The following SPAG17 variants were observed in gnomAD, a reference collection of about 807,000 sequenced individuals.
SPAG17 encodes sperm associated antigen 17.
In SPAG17, 169 loss-of-function variants were observed where a neutral mutation model predicts 273.6. The observed-to-expected ratio is 0.62, with a 90% confidence interval of 0.55 to 0.70. The LOEUF is 0.70. Among genes scored for constraint, SPAG17 ranks in the 30% least tolerant of loss-of-function variants. SPAG17 has a pLI of 0.00. For missense variants in SPAG17, 2,557 were observed against 2,627.8 expected (o/e 0.97, Z 0.59); for synonymous variants, 825 against 873.2 (o/e 0.94, Z 0.97).
chr1:118,133,306 GGA>G (rs1040115961), intron 3 of SPAG17, among the ~76,000 whole-genome samples: 3 of 152,078 alleles, frequency 2.0e-5, no homozygotes, highest in African/African-American at 7.2e-5. Flanking sequence ...GAGTGCAGAT[GGA>G]GAGAGAGTTT....
chr1:118,145,897 AT>A (rs991429883), intron 3 of SPAG17, among the ~76,000 whole-genome samples: 8 of 151,736 alleles, frequency 5.3e-5, no homozygotes, highest in African/African-American at 1.2e-4. Context: ...TAAGCTTTTC[AT>A]TTTTTTTATT....
At chr1:118,046,383 C>T (rs1270042731) in intron 20 of SPAG17, among the ~76,000 whole-genome samples, 1 of 151,840 alleles carries the variant, frequency 6.6e-6, no homozygotes, top group East Asian at 1.9e-4. Flanking sequence ...GAAACAATTA[C>T]AATGATAATG....
intron 1 of SPAG17, among the ~76,000 whole-genome samples, chr1:118,182,360 T>C (rs1444188652): frequency 6.6e-6 from 1 of 152,142 alleles, no homozygotes; most frequent in Non-Finnish European, 1.5e-5. Flanking sequence ...TTCCTATCAC[T>C]GTGGCCAATA....
chr1:118,118,518 C>T (rs1235427297), intron 3 of SPAG17, among the ~76,000 whole-genome samples: 13 of 152,124 alleles, frequency 8.5e-5, no homozygotes, highest in Admixed American at 8.5e-4. Context: ...AGTAAATGTG[C>T]TTGGCGTGAA....
intron 21 of SPAG17, among the ~76,000 whole-genome samples, chr1:118,041,253 A>G (rs1649717312): frequency 6.6e-6 from 1 of 152,114 alleles, no homozygotes; most frequent in African/African-American, 2.4e-5. Context: ...ACAGAGGTCC[A>G]GGGGATTTAA....
At chr1:118,059,589 T>C (rs1050824100) in intron 18 of SPAG17, among the ~76,000 whole-genome samples, 3 of 152,122 alleles carry the variant, frequency 2.0e-5, no homozygotes, top group Non-Finnish European at 2.9e-5. Context: ...ATTTGCTTTA[T>C]ATTACTTTGC....
chr1:118,031,793 C>CTA lies in SPAG17; in HGVS notation c.3506_3507dup (p.Val1170Ter). 6.2e-7 allele frequency: 1 copy of CTA among 1,613,750 alleles called. No homozygotes were observed. Among genetic ancestry groups the CTA allele is most frequent in the Non-Finnish European group, 8.5e-7 (1 of 1,179,806 alleles). On this transcript the variant is annotated frameshift_variant, in exon 25 of 49. Coordinates refer to ENST00000336338, the MANE Select transcript of SPAG17 (RefSeq NM_206996.4). LOFTEE classifies it high-confidence loss of function. ...TTAGCTTTGCTTTGAGGAACGGTCA[C>CTA]TATAACAGGAACCACTGTTGGAGTG...
intron 48 of SPAG17, chr1:117,960,189 T>C (rs868431681): frequency 3.3e-5 from 5 of 151,388 alleles, no homozygotes; most frequent in Middle Eastern, 3.4e-3. Context: ...TAGTTGACAC[T>C]TGAAAAATGC....
chr1:118,003,113 G>A (rs760584845), intron 32 of SPAG17, among the ~76,000 whole-genome samples: 1 of 152,076 alleles, frequency 6.6e-6, no homozygotes, highest in Non-Finnish European at 1.5e-5. Context: ...ATGAAATTTG[G>A]GGTTGAAAAC....
At chr1:117,967,296 C>CAAAAA (rs5777330) in intron 46 of SPAG17, among the ~76,000 whole-genome samples, 4 of 86,090 alleles carry the variant, frequency 4.6e-5, no homozygotes, top group African/African-American at 1.0e-4. Context: ...AACTCCATCT[C>CAAAAA]AAAAAAAAAA....
Position 117,963,950 on chromosome 1 carries a change from G to T in SPAG17, c.6533-12C>A, listed in dbSNP as rs1653465545. 6.2e-7 allele frequency: 1 copy of T among 1,610,026 alleles called. No individual in the cohort carries two copies. The highest frequency in any genetic ancestry group is 8.5e-7 in the Non-Finnish European group (1 of 1,178,146). On this transcript the variant is annotated splice_polypyrimidine_tract_variant and intron_variant, in intron 47 of 48. Transcript: ENST00000336338. ...GCTTGTTAAAACAGGTAAAATACTT[G>T]TTAAGGGCTGTGCTTTTCATGACTA...
At chr1:118,064,774 A>T (rs1652781887) in intron 18 of SPAG17, among the ~76,000 whole-genome samples, 1 of 151,430 alleles carries the variant, frequency 6.6e-6, no homozygotes, top group Admixed American at 6.6e-5. Flanking sequence ...TAAAATAAAA[A>T]AAGAAAGATA....
chr1:118,018,928 T>C (rs796729769), intron 28 of SPAG17, among the ~76,000 whole-genome samples: 7 of 151,044 alleles, frequency 4.6e-5, no homozygotes, highest in African/African-American at 1.7e-4. Flanking sequence ...CCAGCTACTC[T>C]AGTGGCTGAG....
intron 3 of SPAG17, among the ~76,000 whole-genome samples, chr1:118,136,807 G>A (rs866100906): frequency 6.7e-6 from 1 of 149,214 alleles, no homozygotes; most frequent in Non-Finnish European, 1.5e-5. Context: ...GTGTATGTGT[G>A]TGTGTGTGTG....
chr1:117,983,955 G>A, intron 41 of SPAG17, 42 bp from the exon 42 acceptor site: 3 of 973,270 alleles, frequency 3.1e-6, no homozygotes, highest in East Asian at 2.4e-5. Flanking sequence ...ATACATGGCT[G>A]AAATTCAACT....
chr1:118,132,240 G>A (rs1009954310), intron 3 of SPAG17, among the ~76,000 whole-genome samples: 6 of 152,172 alleles, frequency 3.9e-5, no homozygotes, highest in Non-Finnish European at 7.3e-5. Context: ...CAGGTGGTAT[G>A]AGACTGGGGA....
intron 20 of SPAG17, among the ~76,000 whole-genome samples, chr1:118,049,447 A>G (rs1650749342): frequency 1.3e-5 from 2 of 152,358 alleles, no homozygotes; most frequent in East Asian, 1.9e-4. Context: ...GTGACATGCC[A>G]TATTACAGAA....
At chr1:118,033,341 G>A (rs1422879987) in intron 24 of SPAG17, among the ~76,000 whole-genome samples, 1 of 152,122 alleles carries the variant, frequency 6.6e-6, no homozygotes, top group East Asian at 1.9e-4. Context: ...AATGCCATGA[G>A]CAATTATGCA....
rs188773190 is a variant in SPAG17 at position 117,999,606 on chromosome 1, T to C, written c.4777-2863A>G. On this transcript the variant is annotated intron_variant, in intron 32 of 48. Coordinates refer to ENST00000336338, the MANE Select transcript of SPAG17 (RefSeq NM_206996.4). Reference sequence around the variant, plus strand: ...TGATGAGCATTTTTTCATGTGTCTGTTGGCTGCATAAATGTCTTCTTTTGA... The same window carrying C: ...TGATGAGCATTTTTTCATGTGTCTGCTGGCTGCATAAATGTCTTCTTTTGA... Among the ~76,000 whole-genome samples, 476 of 152,368 alleles carry C rather than the reference T, an allele frequency of 3.1e-3. 9 individuals carry two copies. The highest frequency in any genetic ancestry group is 0.026 in the Admixed American group (400 of 15,306).
Sources: gnomAD v4.1 joint callset for allele counts (sites outside exome capture counted in the v4.1 genomes callset) on GRCh38, gnomAD v4.1.1 for gene constraint, MANE v1.5 for transcripts, NCBI Gene and HGNC (gene_info 2026-07-23, HGNC 2026-07-21) for gene names.